CAPN3: variants seen among roughly 807,000 people sequenced by gnomAD.
The protein encoded by CAPN3 is calpain 3, also known as calpain-3.
Under a neutral mutation model 114.0 loss-of-function variants are expected in CAPN3, and 88 were observed. The observed-to-expected ratio is 0.77, with a 90% CI of 0.65 to 0.92. The LOEUF is 0.92. Ranked by LOEUF, CAPN3 falls within the 40% of genes least tolerant of loss-of-function variation. The probability of loss-of-function intolerance (pLI) is 0.00; values close to 1 mark genes in which losing one functional copy is unlikely to be tolerated. For synonymous variants in CAPN3, 386 were observed against 382.9 expected, an observed-to-expected ratio of 1.01 and a Z score of -0.09; for missense variants, 1,028 against 1,069.0, an observed-to-expected ratio of 0.96 and a Z score of 0.53.
chr15:42,377,714 A>G (rs1375320100), intron 1 of CAPN3, among the ~76,000 whole-genome samples: 1 of 152,096 alleles, frequency 6.6e-6, no homozygotes, highest in African/African-American at 2.4e-5. Flanking sequence ...CTCTGCTTCT[A>G]TTTTATGGAA....
At chr15:42,378,283 G>A (rs562924133) in intron 1 of CAPN3, among the ~76,000 whole-genome samples, 1 of 152,212 alleles carries the variant, frequency 6.6e-6, no homozygotes, top group Non-Finnish European at 1.5e-5. Context: ...GTGATCAAAA[G>A]TTAGTTTTAG....
At chr15:42,392,509 A>G in intron 6 of CAPN3, 130 bp from the exon 7 acceptor site, 1 of 728,336 alleles carries the variant, frequency 1.4e-6, no homozygotes, top group Non-Finnish European at 2.5e-6. Flanking sequence ...GTCGTGAGGC[A>G]CACTTTCAGG....
Position 42,396,752 on chromosome 15 carries a change from A to G in CAPN3, c.1116-48A>G, listed in dbSNP as rs3803343. ...GATACCTCCTGTCCCAACCTACATC[A>G]GGCCTTCCCTTCTTCCTGCTTCCTT... On this transcript the variant is annotated intron_variant, in intron 8 of 23. Transcript: ENST00000397163. 701 of 1,435,338 alleles carry G rather than the reference A, an allele frequency of 4.9e-4. 3 individuals carry two copies. In the East Asian group the frequency reaches 0.015, roughly 31 times the overall value. 88.9% of individuals were successfully genotyped at this position (1,435,338 alleles called of 1,614,324 possible). A position where few individuals can be genotyped will look rare whatever the true frequency, so the allele number is the denominator to read the frequency against.
At chr15:42,362,663 A>G (rs1291927130) in intron 1 of CAPN3, among the ~76,000 whole-genome samples, 1 of 152,236 alleles carries the variant, frequency 6.6e-6, no homozygotes, top group Non-Finnish European at 1.5e-5. Context: ...CAGAGTTGGA[A>G]TGATTCTTGG....
chr15:42,410,657 A>G lies in CAPN3; in HGVS notation c.2254A>G (p.Asn752Asp). The G allele has an allele frequency of 2.5e-6, 4 of 1,613,698 alleles. No homozygotes were observed. The highest frequency in any genetic ancestry group is 3.4e-6 in the Non-Finnish European group (4 of 1,179,756). The change falls in exon 21 of 24, where the codon AAC becomes GAC. Residue 752 changes from asparagine to aspartate, a missense_variant. Asn to Asp is a conservative substitution (Grantham distance 23). Transcript: ENST00000397163. ...CAGCTACGAGATGCGAAATGCAGTC[A>G]ACGACGCAGGTGCTGAGAAGGAAGG... ...INSYEMRNAVNDAGFHLNNQL... is the reference protein window; with the variant it reads ...INSYEMRNAVDDAGFHLNNQL...
intron 16 of CAPN3, 156 bp downstream of exon 16, chr15:42,408,480 C>T (rs2054095024): frequency 1.6e-6 from 1 of 640,954 alleles, no homozygotes; most frequent in South Asian, 1.5e-5. Context: ...GCAAGTTCCC[C>T]TGAAATTTGG....
intron 3 of CAPN3, among the ~76,000 whole-genome samples, chr15:42,386,759 G>C (rs2053418673): frequency 6.6e-6 from 1 of 152,168 alleles, no homozygotes; most frequent in South Asian, 2.1e-4. Context: ...CTGGGGATCA[G>C]GCTTCTTGTT....
At chr15:42,401,189 G>A (rs1040930276) in intron 10 of CAPN3, among the ~76,000 whole-genome samples, 9 of 151,176 alleles carry the variant, frequency 6.0e-5, no homozygotes, top group Admixed American at 2.6e-4. Context: ...GCCAGACTCC[G>A]TCTCAAAAAA....
intron 5 of CAPN3, among the ~76,000 whole-genome samples, chr15:42,389,329 A>C (rs1187815426): frequency 3.3e-5 from 5 of 152,180 alleles, no homozygotes; most frequent in Non-Finnish European, 7.4e-5. Context: ...TGTCAGTGGA[A>C]ATCAGTCCAG....
At position 42,389,957 on chromosome 15, in the gene CAPN3, G is replaced by A. The variant is rs764617439; in HGVS notation, c.806G>A (p.Gly269Asp). ...ACATTCTCCATCGGGCCTCAGGATGGCACGAACATGACCTATGGAACCTCT... is the reference window on the plus strand; with the variant it reads ...ACATTCTCCATCGGGCCTCAGGATGACACGAACATGACCTATGGAACCTCT... ...GSLMGCSIDD[G>D]TNMTYGTSPS... The change falls in exon 6 of 24, where the codon GGC becomes GAC. Residue 269 changes from glycine to aspartate, a missense_variant. Transcript: ENST00000397163. 6.2e-7 allele frequency: 1 copy of A among 1,613,960 alleles called. No individual in the cohort carries two copies. Among genetic ancestry groups the A allele is most frequent in the Non-Finnish European group, 8.5e-7 (1 of 1,180,012 alleles).
chr15:42,360,658 G>T, intron 1 of CAPN3, among the ~76,000 whole-genome samples: 1 of 152,180 alleles, frequency 6.6e-6, no homozygotes, highest in East Asian at 1.9e-4. Flanking sequence ...TGGGGTTAAA[G>T]AGAGAGAGAC....
rs747720461 is a variant in CAPN3 at position 42,410,678 on chromosome 15, G to C, written c.2263+12G>C. On this transcript the variant is annotated intron_variant, in intron 21 of 23. Coordinates refer to ENST00000397163, the MANE Select transcript of CAPN3 (RefSeq NM_000070.3). ...AGTCAACGACGCAGGTGCTGAGAAG[G>C]AAGGGGTGGCAGGGATGTGGACCCG... 1.9e-6 allele frequency: 3 copies of C among 1,611,104 alleles called. No individual in the cohort carries two copies. The East Asian group carries it at 6.7e-5, about 36-fold the overall frequency.
chr15:42,399,640 C>T lies in CAPN3; in HGVS notation c.1342C>T (p.Arg448Cys), dbSNP rs776043976. 19 of 1,602,726 alleles carry T rather than the reference C, an allele frequency of 1.2e-5. No individual in the cohort carries two copies. Among genetic ancestry groups the T allele is most frequent in the Admixed American group, 3.4e-5 (2 of 58,616 alleles). Residue 448 changes from arginine to cysteine, a missense_variant, in exon 10 of 24, where the codon CGC becomes TGC. Transcript: ENST00000397163. ...WVRGCSAGGC[R>C]NFPDTFWTNP... ...ACGGGGTTGCTCTGCCGGAGGCTGC[C>T]GCAACTTCCCAGGTGGGAGATGCTC...
intron 16 of CAPN3, 54 bp from the exon 17 acceptor site, chr15:42,409,249 C>T (rs759203442): frequency 6.4e-7 from 1 of 1,560,020 alleles, no homozygotes; most frequent in Admixed American, 1.7e-5. Context: ...GCTTGCCTCA[C>T]AGGCCTGTGC....
rs1488408018 is a variant in CAPN3, at chr15:42,402,793, G to A, written c.1537-1G>A. Reference sequence around the variant, plus strand: ...TGCCCTGGGCTCTCCCCATCTCTCAGATGCACGGGAACAAGCAGCACCTGC... The same window carrying A: ...TGCCCTGGGCTCTCCCCATCTCTCAAATGCACGGGAACAAGCAGCACCTGC... On this transcript the variant is annotated splice_acceptor_variant, in intron 12 of 23. Transcript: ENST00000397163. LOFTEE classifies it high-confidence loss of function. 6.2e-7 allele frequency: 1 copy of A among 1,614,160 alleles called. No individual in the cohort carries two copies. Among genetic ancestry groups the A allele is most frequent in the Admixed American group, 1.7e-5 (1 of 60,026 alleles).
At chr15:42,366,812 C>T (rs1250075927) in intron 1 of CAPN3, among the ~76,000 whole-genome samples, 4 of 149,456 alleles carry the variant, frequency 2.7e-5, no homozygotes, top group East Asian at 3.9e-4. Flanking sequence ...CCGACCCTCA[C>T]AGAATTCTTT....
chr15:42,407,321 G>A (rs1204035647), intron 15 of CAPN3, among the ~76,000 whole-genome samples: 1 of 151,024 alleles, frequency 6.6e-6, no homozygotes, highest in East Asian at 2.0e-4. Context: ...GTAAACTGAG[G>A]CCAGAGAGGA....
At chr15:42,400,843 C>T (rs1164392000) in intron 10 of CAPN3, among the ~76,000 whole-genome samples, 2 of 151,922 alleles carry the variant, frequency 1.3e-5, no homozygotes, top group East Asian at 1.9e-4. Flanking sequence ...GCATCGGATG[C>T]GCATATTAGA....
In CAPN3 at chr15:42,380,368, C is replaced by CTTTTTTTTTTTTTTTT. The variant is rs776441239; in HGVS notation, c.310-4101_310-4086dup. Among the ~76,000 whole-genome samples, 16 of 46,108 alleles carry CTTTTTTTTTTTTTTTT rather than the reference C, an allele frequency of 3.5e-4. 4 individuals carry two copies. The highest frequency in any genetic ancestry group is 1.0e-3 in the African/African-American group (9 of 8,806). The allele number at this position is 46,108 out of a possible 152,430, so 30.2% of individuals were successfully genotyped here. On this transcript the variant is annotated intron_variant, in intron 1 of 23. Coordinates refer to ENST00000397163, the MANE Select transcript of CAPN3 (RefSeq NM_000070.3). ...TATCCTTTTACCTCTTCTTTTTTGT[C>CTTTTTTTTTTTTTTTT]TTTTTTTTTTTTTTTTTTTTTTTTT... is the stretch of plus-strand genomic sequence containing the variant.
Sources: allele counts gnomAD v4.1 joint callset (sites outside exome capture counted in the v4.1 genomes callset), GRCh38; gene constraint gnomAD v4.1.1; transcripts MANE v1.5; gene names NCBI Gene and HGNC (gene_info 2026-07-23, HGNC 2026-07-21).